The following KDM4C variants were observed in gnomAD, a reference collection of about 807,000 sequenced individuals.
KDM4C encodes the protein lysine-specific demethylase 4C.
Under a neutral mutation model 129.3 loss-of-function variants are expected in KDM4C, and 81 were observed. The observed-to-expected ratio is 0.63, with a 90% CI of 0.52 to 0.75. The LOEUF (loss-of-function observed/expected upper bound fraction) is 0.75, where lower values mean the gene tolerates loss of function less well. Among genes scored for constraint, KDM4C ranks in the 30% least tolerant of loss-of-function variants. KDM4C has a pLI of 0.00. For synonymous variants in KDM4C, 573 were observed against 456.1 expected (o/e 1.26, Z -3.26); for missense variants, 1,457 against 1,304.0 (o/e 1.12, Z -1.81).
intron 4 of KDM4C, among the ~76,000 whole-genome samples, chr9:6,842,583 GC>G (rs1564139878): frequency 6.6e-6 from 1 of 151,948 alleles, no homozygotes; most frequent in African/African-American, 2.4e-5. Flanking sequence ...TGATCCGTCT[GC>G]CTTGGGCTCC....
chr9:7,113,996 C>T lies in KDM4C; in HGVS notation c.2610+10126C>T, dbSNP rs141417385. Among the ~76,000 whole-genome samples, 144 of 152,194 alleles carry T rather than the reference C, an allele frequency of 9.5e-4. 4 individuals carry two copies. The East Asian group carries it at 0.027, about 28-fold the overall frequency. On this transcript the variant is annotated intron_variant, in intron 18 of 21. Transcript: ENST00000381309. ...GAGAGACTTACCCATATCTTAAAGC[C>T]CTGATAAAAATACTGATGTGAGGCC...
At chr9:6,936,239 C>G (rs1824756363) in intron 8 of KDM4C, among the ~76,000 whole-genome samples, 1 of 152,158 alleles carries the variant, frequency 6.6e-6, no homozygotes, top group South Asian at 2.1e-4. Context: ...TTAAACTTCA[C>G]TGCTTACTAA....
chr9:7,008,879 T>C (rs1458764929), intron 12 of KDM4C, among the ~76,000 whole-genome samples: 1 of 152,208 alleles, frequency 6.6e-6, no homozygotes, highest in African/African-American at 2.4e-5. Context: ...TTGGATGGAC[T>C]GACTGGTGAA....
chr9:6,728,210 G>C (rs555304003), intron 1 of KDM4C, among the ~76,000 whole-genome samples: 2 of 152,240 alleles, frequency 1.3e-5, no homozygotes, highest in Admixed American at 6.6e-5. Flanking sequence ...TTGGTGGGTG[G>C]GTTCGTATTT....
intron 5 of KDM4C, among the ~76,000 whole-genome samples, chr9:6,877,398 C>T (rs1843723285): frequency 2.0e-5 from 3 of 152,294 alleles, no homozygotes; most frequent in African/African-American, 7.2e-5. Flanking sequence ...AATGGGGTTT[C>T]ACCTTGTTAG....
chr9:7,008,872 G>A (rs1346006108), intron 12 of KDM4C, among the ~76,000 whole-genome samples: 2 of 152,180 alleles, frequency 1.3e-5, no homozygotes, highest in East Asian at 3.8e-4. Context: ...AGAAAATTTG[G>A]ATGGACTGAC....
chr9:6,883,571 T>G (rs1236195251), intron 6 of KDM4C, among the ~76,000 whole-genome samples: 1 of 152,232 alleles, frequency 6.6e-6, no homozygotes, highest in African/African-American at 2.4e-5. Flanking sequence ...TAGTGGGATT[T>G]TAGACATCGG....
intron 12 of KDM4C, among the ~76,000 whole-genome samples, chr9:6,992,125 C>G (rs540482977): frequency 1.3e-5 from 2 of 152,108 alleles, no homozygotes; most frequent in East Asian, 1.9e-4. Flanking sequence ...GTATAATGCT[C>G]ATGATTGTAA....
At chr9:7,060,434 G>A (rs1208280512) in intron 17 of KDM4C, among the ~76,000 whole-genome samples, 1 of 148,690 alleles carries the variant, frequency 6.7e-6, no homozygotes, top group Admixed American at 6.7e-5. Context: ...AATCAGGGAT[G>A]ACTTTTTAGC....
rs924165123 is a variant in KDM4C at position 7,127,932 on chromosome 9, A to G, written c.2611-134A>G. 1.1e-4 allele frequency: 81 copies of G among 741,940 alleles called. No individual in the cohort carries two copies. In the African/African-American group the frequency reaches 1.4e-3, roughly 13 times the overall value. The allele number at this position is 741,940 out of a possible 1,614,324, so 46.0% of individuals were successfully genotyped here. On this transcript the variant is annotated intron_variant, in intron 18 of 21. Coordinates refer to ENST00000381309, the MANE Select transcript of KDM4C (RefSeq NM_015061.6). ...TGTAAGTTTGAAATTATTCTTCAATATTAAGTTAAAAATTTTTTTTTTAAA... is the reference window on the plus strand; with the variant it reads ...TGTAAGTTTGAAATTATTCTTCAATGTTAAGTTAAAAATTTTTTTTTTAAA...
intron 8 of KDM4C, among the ~76,000 whole-genome samples, chr9:6,905,254 C>G (rs1818117385): frequency 6.6e-6 from 1 of 152,048 alleles, no homozygotes; most frequent in Non-Finnish European, 1.5e-5. Flanking sequence ...GCCGTCTTGG[C>G]AGGAGATTGA....
chr9:7,152,792 G>A (rs1842838385), intron 19 of KDM4C, among the ~76,000 whole-genome samples: 1 of 152,200 alleles, frequency 6.6e-6, no homozygotes, highest in Non-Finnish European at 1.5e-5. Flanking sequence ...TCAGTTCCAA[G>A]CTCTTGACAA....
At chr9:6,823,277 G>C (rs954912194) in intron 4 of KDM4C, among the ~76,000 whole-genome samples, 5 of 152,188 alleles carry the variant, frequency 3.3e-5, no homozygotes, top group Non-Finnish European at 7.3e-5. Flanking sequence ...ATGCAGGTCA[G>C]TCTTCAGTGG....
intron 20 of KDM4C, among the ~76,000 whole-genome samples, chr9:7,166,606 C>G (rs1844414875): frequency 6.6e-6 from 1 of 152,172 alleles, no homozygotes; most frequent in South Asian, 2.1e-4. Context: ...AATTGCAAGA[C>G]AGGCTATAAT....
intron 1 of KDM4C, among the ~76,000 whole-genome samples, chr9:6,790,831 A>T (rs1225271164): frequency 1.3e-5 from 2 of 152,038 alleles, no homozygotes; most frequent in Admixed American, 6.6e-5. Flanking sequence ...TGCCTGTCTC[A>T]TGATAGGTGC....
intron 4 of KDM4C, among the ~76,000 whole-genome samples, chr9:6,825,159 A>AG (rs1833686921): frequency 6.6e-6 from 1 of 151,866 alleles, no homozygotes; most frequent in African/African-American, 2.4e-5. Context: ...AAAAAAAAAA[A>AG]AAAAAAAAAG....
chr9:6,833,671 C>T (rs879591606), intron 4 of KDM4C, among the ~76,000 whole-genome samples: 10 of 152,196 alleles, frequency 6.6e-5, no homozygotes, highest in African/African-American at 2.4e-4. Context: ...AAATAAAACA[C>T]CTCGTACAGG....
chr9:6,835,370 C>T, intron 4 of KDM4C: 1 of 1,087,500 alleles, frequency 9.2e-7, no homozygotes, highest in Non-Finnish European at 1.4e-6. Context: ...ACCATGTACC[C>T]TAGCGTTGCC....
intron 8 of KDM4C, among the ~76,000 whole-genome samples, chr9:6,979,405 T>TG (rs1325429888): frequency 1.3e-5 from 2 of 152,004 alleles, no homozygotes; most frequent in Admixed American, 1.3e-4. Flanking sequence ...GAAGGTGGTG[T>TG]GGTAGGAGGA....
Sources: allele counts gnomAD v4.1 joint callset (sites outside exome capture counted in the v4.1 genomes callset), GRCh38; gene constraint gnomAD v4.1.1; transcripts MANE v1.5; gene names NCBI Gene and HGNC (gene_info 2026-07-23, HGNC 2026-07-21).